The following KLF12 variants were observed in gnomAD, a reference collection of about 807,000 sequenced individuals.
KLF12 encodes the protein Krueppel-like factor 12.
A neutral mutation model predicts 37.8 loss-of-function variants in KLF12; 9 were observed. The ratio of observed to expected loss-of-function variants is 0.24; its 90% CI spans 0.14 to 0.42. The LOEUF is 0.42. KLF12 is among the 10% of genes least tolerant of loss of function. KLF12 has a pLI of 1.00. For synonymous variants in KLF12, 208 were observed against 202.1 expected, an observed-to-expected ratio of 1.03 and a Z score of -0.25; for missense variants, 411 against 516.0, an observed-to-expected ratio of 0.80 and a Z score of 1.97.
chr13:74,151,945 G>C, the KLF12 span, among the ~76,000 whole-genome samples: 69 of 152,290 alleles, frequency 4.5e-4, no homozygotes, highest in African/African-American at 1.6e-3. Context: ...AAAGAAGAGA[G>C]ACGAGGTGAA....
intron 5 of KLF12, among the ~76,000 whole-genome samples, chr13:73,775,689 T>C (rs556241676): frequency 6.6e-6 from 1 of 152,364 alleles, no homozygotes; most frequent in South Asian, 2.1e-4. Flanking sequence ...TTGGTAGTTA[T>C]GCTATTAGTC....
chr13:74,240,215 C>T, the KLF12 span, among the ~76,000 whole-genome samples: 1 of 150,882 alleles, frequency 6.6e-6, no homozygotes, highest in South Asian at 2.1e-4. Flanking sequence ...CTTAGTTTGG[C>T]TGGATATGAA....
At chr13:74,218,024 T>G in the KLF12 span, among the ~76,000 whole-genome samples, 1 of 152,188 alleles carries the variant, frequency 6.6e-6, no homozygotes, top group African/African-American at 2.4e-5. Flanking sequence ...AATGAAGCTG[T>G]GGGCTTATAT....
chr13:73,953,066 C>G (rs1172645536), intron 2 of KLF12, among the ~76,000 whole-genome samples: 1 of 152,100 alleles, frequency 6.6e-6, no homozygotes, highest in African/African-American at 2.4e-5. Context: ...AGATTTTCCA[C>G]TAAGGTTAAG....
At chr13:74,106,437 C>T (rs1407857180) in intron 1 of KLF12, among the ~76,000 whole-genome samples, 1 of 152,100 alleles carries the variant, frequency 6.6e-6, no homozygotes, top group Non-Finnish European at 1.5e-5. Flanking sequence ...AAATTCAGAC[C>T]AATCTGGGGA....
intron 3 of KLF12, among the ~76,000 whole-genome samples, chr13:73,911,234 TAATAA>T (rs1371622920): frequency 6.6e-6 from 1 of 152,084 alleles, no homozygotes; most frequent in Non-Finnish European, 1.5e-5. Flanking sequence ...TCAAAAATAT[TAATAA>T]AATTTTTAAA....
the KLF12 span, among the ~76,000 whole-genome samples, chr13:74,152,527 A>G: frequency 6.6e-6 from 1 of 152,166 alleles, no homozygotes; most frequent in African/African-American, 2.4e-5. Flanking sequence ...CTATTTTTAA[A>G]TGCTTGCTTT....
chr13:74,044,903 T>C (rs978312275), intron 1 of KLF12, among the ~76,000 whole-genome samples: 2 of 149,420 alleles, frequency 1.3e-5, no homozygotes, highest in African/African-American at 2.5e-5. Context: ...CTAAAACAAA[T>C]TGGGCAACAA....
rs142136167 is a variant in KLF12, at chr13:73,717,821, C to T, written c.870-2296G>A. Among the ~76,000 whole-genome samples, 393 of 152,236 alleles carry T rather than the reference C, an allele frequency of 2.6e-3. 1 individual carries two copies. The highest frequency in any genetic ancestry group is 8.8e-3 in the African/African-American group (367 of 41,532). ...TCATGTAAGAACAGCTGTAGTTACTCCTGACAAGGTATATTTTTATCACTG... is the reference window on the plus strand; with the variant it reads ...TCATGTAAGAACAGCTGTAGTTACTTCTGACAAGGTATATTTTTATCACTG... On this transcript the variant is annotated intron_variant, in intron 6 of 7. Coordinates refer to ENST00000377669, the MANE Select transcript of KLF12 (RefSeq NM_007249.5).
intron 5 of KLF12, among the ~76,000 whole-genome samples, chr13:73,777,018 A>G (rs1194849634): frequency 6.6e-6 from 1 of 152,194 alleles, no homozygotes; most frequent in Non-Finnish European, 1.5e-5. Context: ...GATTAAGAAC[A>G]CCCAATTCTG....
chr13:74,065,729 A>T (rs1873875382), intron 1 of KLF12, among the ~76,000 whole-genome samples: 1 of 152,048 alleles, frequency 6.6e-6, no homozygotes, highest in Non-Finnish European at 1.5e-5. Flanking sequence ...GAAGTGCATG[A>T]GCAACGTGGC....
intron 3 of KLF12, among the ~76,000 whole-genome samples, chr13:73,915,307 T>G (rs1888764546): frequency 6.6e-6 from 1 of 152,174 alleles, no homozygotes; most frequent in South Asian, 2.1e-4. Flanking sequence ...AAATTTCTTT[T>G]GCGGATGATA....
chr13:74,241,606 C>T, the KLF12 span, among the ~76,000 whole-genome samples: 17 of 152,194 alleles, frequency 1.1e-4, no homozygotes, highest in Non-Finnish European at 2.2e-4. Context: ...AGCGAGACTC[C>T]GTGGGCGTAG....
intron 6 of KLF12, among the ~76,000 whole-genome samples, chr13:73,760,167 A>G (rs1035733651): frequency 2.0e-5 from 3 of 152,166 alleles, no homozygotes; most frequent in Non-Finnish European, 4.4e-5. Flanking sequence ...TAATTTGCAT[A>G]GAGACCTCAT....
intron 1 of KLF12, among the ~76,000 whole-genome samples, chr13:74,122,910 C>A (rs1372756732): frequency 7.1e-6 from 1 of 140,836 alleles, no homozygotes; most frequent in East Asian, 2.1e-4. Flanking sequence ...TAATGGAATG[C>A]TAGTTTTGGC....
intron 1 of KLF12, among the ~76,000 whole-genome samples, chr13:74,035,734 T>C (rs1390103417): frequency 1.3e-5 from 2 of 152,052 alleles, no homozygotes; most frequent in South Asian, 4.1e-4. Flanking sequence ...TGTCATTTCA[T>C]ATCCTTAAAA....
At chr13:73,855,790 T>C (rs140718116) in intron 3 of KLF12, among the ~76,000 whole-genome samples, 105 of 151,870 alleles carry the variant, frequency 6.9e-4, no homozygotes, top group African/African-American at 2.5e-3. Flanking sequence ...CCATTCTGAC[T>C]GGTATGACAT....
intron 2 of KLF12, among the ~76,000 whole-genome samples, chr13:73,985,772 T>C (rs1891811889): frequency 1.3e-5 from 2 of 152,214 alleles, no homozygotes; most frequent in South Asian, 4.1e-4. Context: ...CTCTGCTGTG[T>C]GAAGACGGAT....
chr13:73,996,872 T>G (rs1316265135), intron 1 of KLF12, among the ~76,000 whole-genome samples: 1 of 152,168 alleles, frequency 6.6e-6, no homozygotes, highest in Non-Finnish European at 1.5e-5. Context: ...CCAATTTATA[T>G]TCCCACTAGG....
Sources: allele counts gnomAD v4.1 joint callset (sites outside exome capture counted in the v4.1 genomes callset), GRCh38; gene constraint gnomAD v4.1.1; transcripts MANE v1.5; gene names NCBI Gene and HGNC (gene_info 2026-07-23, HGNC 2026-07-21).